Variants in FH observed in about 807,000 individuals in gnomAD.
FH encodes fumarate hydratase, mitochondrial.
FH carries 22 observed loss-of-function variants against 49.4 expected under a neutral mutation model. The ratio of observed to expected loss-of-function variants is 0.45; its 90% confidence interval spans 0.32 to 0.64. The LOEUF (loss-of-function observed/expected upper bound fraction) is 0.64, where lower values mean the gene tolerates loss of function less well. Among genes scored for constraint, FH ranks in the 30% least tolerant of loss-of-function variants. FH has a pLI of 0.05. For synonymous variants in FH, 208 were observed against 223.0 expected, an observed-to-expected ratio of 0.93 and a Z score of 0.60; for missense variants, 526 against 641.5, an observed-to-expected ratio of 0.82 and a Z score of 1.95.
intron 4 of FH, among the ~76,000 whole-genome samples, chr1:241,510,804 G>A (rs1413289164): frequency 6.6e-6 from 1 of 152,186 alleles, no homozygotes; most frequent in Non-Finnish European, 1.5e-5. Flanking sequence ...GCAGGGTTTA[G>A]TGACCTATTT....
At chr1:241,509,551 A>T (rs1258350779) in intron 4 of FH, among the ~76,000 whole-genome samples, 1 of 152,116 alleles carries the variant, frequency 6.6e-6, no homozygotes, top group Non-Finnish European at 1.5e-5. Flanking sequence ...AGGCAGGAGG[A>T]TCAATTGAGG....
In FH at chr1:241,500,602, TGAGAGAGAGAGA is replaced by T. The variant is rs144131869; in HGVS notation, c.1237-24_1237-13del. 9.2e-5 allele frequency: 137 copies of T among 1,490,718 alleles called. No individual in the cohort carries two copies. The highest frequency in any genetic ancestry group is 8.6e-4 in the African/African-American group (57 of 66,260). 92.3% of individuals were successfully genotyped at this position (1,490,718 alleles called of 1,614,324 possible). A position where few individuals can be genotyped will look rare whatever the true frequency, so the allele number is the denominator to read the frequency against. On this transcript the variant is annotated splice_polypyrimidine_tract_variant and intron_variant, in intron 8 of 9. Coordinates refer to ENST00000366560, the MANE Select transcript of FH (RefSeq NM_000143.4). Reference sequence around the variant, plus strand: ...AACACATTTTTAATCTTTGAGTGAGTGAGAGAGAGAGAGAGAGAGAGAGAGAGAGAGAGAGAG... The same window carrying T: ...AACACATTTTTAATCTTTGAGTGAGTGAGAGAGAGAGAGAGAGAGAGAGAG...
intron 4 of FH, among the ~76,000 whole-genome samples, chr1:241,509,817 ACACACACG>A (rs1378860410): frequency 2.0e-5 from 3 of 149,416 alleles, no homozygotes; most frequent in African/African-American, 7.6e-5. Context: ...ACACACACAC[ACACACACG>A]CATGCACACA....
At chr1:241,506,474 T>C (rs939172997) in intron 5 of FH, among the ~76,000 whole-genome samples, 2 of 152,218 alleles carry the variant, frequency 1.3e-5, no homozygotes, top group African/African-American at 4.8e-5. Context: ...ACAACTTTAC[T>C]ACACTAAATT....
intron 1 of FH, chr1:241,519,128 A>C: frequency 6.0e-6 from 1 of 166,036 alleles, no homozygotes; most frequent in Non-Finnish European, 1.3e-5. Context: ...CACTAGATGC[A>C]CAGGCGGCCA....
At chr1:241,518,326 A>T (rs1660273193) in intron 1 of FH, among the ~76,000 whole-genome samples, 1 of 152,252 alleles carries the variant, frequency 6.6e-6, no homozygotes, top group Admixed American at 6.5e-5. Flanking sequence ...ATTTGCATCA[A>T]CAGGATAGAT....
Position 241,502,442 on chromosome 1 carries a change from C to T in FH, c.1236+1G>A, listed in dbSNP as rs1131691249. The T allele has an allele frequency of 6.2e-7, 1 of 1,613,986 alleles. No individual in the cohort carries two copies. Among genetic ancestry groups the T allele is most frequent in the Non-Finnish European group, 8.5e-7 (1 of 1,179,938 alleles). ...CATTAAAAATCAGATTTAAAGCTTA[C>T]CATCATTGGCTTGAAAACATTCAAC... On this transcript the variant is annotated splice_donor_variant, in intron 8 of 9. Transcript: ENST00000366560. LOFTEE classifies it high-confidence loss of function.
chr1:241,501,117 GTC>G (rs979065787), intron 8 of FH, among the ~76,000 whole-genome samples: 3 of 152,142 alleles, frequency 2.0e-5, no homozygotes, highest in Non-Finnish European at 4.4e-5. Flanking sequence ...GAATACTCCA[GTC>G]ACTGTAAAAT....
chr1:241,512,739 G>A (rs1315062763), intron 3 of FH, among the ~76,000 whole-genome samples: 2 of 152,100 alleles, frequency 1.3e-5, no homozygotes, highest in Non-Finnish European at 2.9e-5. Flanking sequence ...CTATTACCTT[G>A]AACAACTGGT....
intron 3 of FH, 126 bp downstream of exon 3, chr1:241,513,477 C>T (rs923848417): frequency 2.5e-6 from 2 of 801,264 alleles, no homozygotes; most frequent in African/African-American, 1.7e-5. Context: ...ATAATGCTAC[C>T]ACCCTCCCCT....
intron 7 of FH, 133 bp downstream of exon 7, chr1:241,503,909 G>T: frequency 1.1e-6 from 1 of 929,482 alleles, no homozygotes; most frequent in Non-Finnish European, 1.7e-6. Context: ...GAGGACCACA[G>T]ACATGCTGGA....
At chr1:241,516,184 G>A (rs989585822) in intron 2 of FH, among the ~76,000 whole-genome samples, 2 of 152,116 alleles carry the variant, frequency 1.3e-5, no homozygotes, top group African/African-American at 4.8e-5. Context: ...CCCAGCAAGA[G>A]TGAAAAGACA....
chr1:241,499,830 C>T (rs1423582304), intron 9 of FH, among the ~76,000 whole-genome samples: 1 of 152,158 alleles, frequency 6.6e-6, no homozygotes, highest in Non-Finnish European at 1.5e-5. Context: ...TATGGTCAGT[C>T]TACTACCCAA....
chr1:241,500,933 T>C (rs1052981160), intron 8 of FH, among the ~76,000 whole-genome samples: 1 of 152,138 alleles, frequency 6.6e-6, no homozygotes, highest in Non-Finnish European at 1.5e-5. Context: ...TCGGAACTGG[T>C]GAAATCCTAT....
At position 241,502,448 on chromosome 1, in the gene FH, T is replaced by C. The variant is rs201381362; in HGVS notation, c.1231A>G (p.Met411Val). ...AAATCAGATTTAAAGCTTACCATCA[T>C]TGGCTTGAAAACATTCAACTCAAAA... ...GHFELNVFKP[M>V]MIKNVLHSAR... is the part of the protein sequence containing the mutation. Residue 411 changes from methionine (M) to valine (V), a missense_variant, in exon 8 of 10, where the codon ATG becomes GTG. Around this residue, in one of 2 missense-constraint regions of FH, gnomAD observed 383 missense variants for 514.0 expected, o/e 0.75. Transcript: ENST00000366560. 7.4e-6 allele frequency: 12 copies of C among 1,614,088 alleles called. No individual in the cohort carries two copies. Among genetic ancestry groups the C allele is most frequent in the Middle Eastern group, 1.7e-4 (1 of 6,056 alleles).
At chr1:241,504,496 G>C (rs1031277406) in intron 6 of FH, among the ~76,000 whole-genome samples, 1 of 152,106 alleles carries the variant, frequency 6.6e-6, no homozygotes, top group African/African-American at 2.4e-5. Flanking sequence ...CTGGAGTGCA[G>C]TGTGGCTCAA....
chr1:241,502,603 CTA>C lies in FH; in HGVS notation c.1109-35_1109-34del, dbSNP rs147583475. 728 of 1,611,846 alleles carry C rather than the reference CTA, an allele frequency of 4.5e-4. 3 individuals are homozygous for C. The African/African-American group carries it at 9.0e-3, about 20-fold the overall frequency. On this transcript the variant is annotated intron_variant, in intron 7 of 9. Transcript: ENST00000366560. ...AAAACCACCAATGACAGAGTAAAGA[CTA>C]AATTTATGCAAATAATCAGGAGAAT... is the stretch of plus-strand genomic sequence containing the variant.
Position 241,518,276 on chromosome 1 carries a change from T to G in FH, c.133-960A>C, listed in dbSNP as rs562644849. 2.0e-5 allele frequency among the ~76,000 whole-genome samples: 3 copies of G among 152,308 alleles called. 1 individual carries two copies. The highest frequency in any genetic ancestry group is 7.2e-5 in the African/African-American group (3 of 41,568). Reference sequence around the variant, plus strand: ...TACCTCCATCTGATTTTAGCTAACATTACAATTCTAAGAGCAAAGTAGTGC... The same window carrying G: ...TACCTCCATCTGATTTTAGCTAACAGTACAATTCTAAGAGCAAAGTAGTGC... On this transcript the variant is annotated intron_variant, in intron 1 of 9. Transcript: ENST00000366560.
intron 2 of FH, among the ~76,000 whole-genome samples, chr1:241,514,765 A>G (rs2147923700): frequency 6.6e-6 from 1 of 152,198 alleles, no homozygotes; most frequent in South Asian, 2.1e-4. Context: ...AAGTAACTAA[A>G]ATTAAAACAT....
Sources: allele counts gnomAD v4.1 joint callset (sites outside exome capture counted in the v4.1 genomes callset), GRCh38; gene constraint gnomAD v4.1.1; regional missense constraint gnomAD v4.1.1; transcripts MANE v1.5; gene names NCBI Gene and HGNC (gene_info 2026-07-23, HGNC 2026-07-21).